LRP2: variants seen among roughly 807,000 people sequenced by gnomAD.
LRP2 encodes the protein low-density lipoprotein receptor-related protein 2.
LRP2 carries 172 observed loss-of-function variants against 531.0 expected under a neutral mutation model. The observed-to-expected ratio is 0.32, with a 90% CI of 0.29 to 0.37. LRP2 has a LOEUF of 0.37. Ranked by LOEUF, LRP2 falls within the 10% of genes least tolerant of loss-of-function variation. The pLI, the probability that LRP2 is intolerant of heterozygous loss-of-function variation, is 1.00. For missense variants in LRP2, 5,167 were observed against 5,868.3 expected (o/e 0.88, Z 3.90); for synonymous variants, 1,992 against 2,027.6 (o/e 0.98, Z 0.47).
intron 3 of LRP2, among the ~76,000 whole-genome samples, chr2:169,309,070 G>C (rs553714148): frequency 2.2e-4 from 33 of 152,158 alleles, no homozygotes; most frequent in African/African-American, 7.7e-4. Flanking sequence ...TGATGGGGTT[G>C]TTTGTTTTTT....
chr2:169,175,435 A>C lies in LRP2; in HGVS notation c.10572-46T>G, dbSNP rs375800317. Reference sequence around the variant, plus strand: ...ACTTCTTTAGCAAAGCACCAGGGGCAACAGTTATCTGGAGAGAAGAAGTCA... The same window carrying C: ...ACTTCTTTAGCAAAGCACCAGGGGCCACAGTTATCTGGAGAGAAGAAGTCA... On this transcript the variant is annotated intron_variant, in intron 54 of 78. Transcript: ENST00000649046. The C allele has an allele frequency of 4.5e-6, 7 of 1,563,220 alleles. No homozygotes were observed. The South Asian group carries it at 7.8e-5, about 17-fold the overall frequency.
rs557371302 is a variant in LRP2 at position 169,166,965 on chromosome 2, G to A, written c.11636-911C>T. Among the ~76,000 whole-genome samples, 56 of 152,232 alleles carry A rather than the reference G, an allele frequency of 3.7e-4. No individual in the cohort carries two copies. In the South Asian group the frequency reaches 5.8e-3, roughly 16 times the overall value. Reference sequence around the variant, plus strand: ...ATAATAAGATTGGTTGAGGGGAAAGGGTCAGATCTAAGGGCTGATTCTTGG... The same window carrying A: ...ATAATAAGATTGGTTGAGGGGAAAGAGTCAGATCTAAGGGCTGATTCTTGG... On this transcript the variant is annotated intron_variant, in intron 61 of 78. Transcript: ENST00000649046.
At chr2:169,344,694 A>G (rs1232098295) in intron 1 of LRP2, among the ~76,000 whole-genome samples, 2 of 152,212 alleles carry the variant, frequency 1.3e-5, no homozygotes, top group African/African-American at 4.8e-5. Context: ...CATAAATAAA[A>G]CAAGACATTA....
chr2:169,224,283 T>C (rs1689122887), intron 33 of LRP2, among the ~76,000 whole-genome samples: 1 of 152,190 alleles, frequency 6.6e-6, no homozygotes, highest in African/African-American at 2.4e-5. Flanking sequence ...CTTCTCCTTG[T>C]TTTGGGAAGT....
At chr2:169,270,237 C>G (rs911285959) in intron 16 of LRP2, among the ~76,000 whole-genome samples, 3 of 152,092 alleles carry the variant, frequency 2.0e-5, no homozygotes, top group African/African-American at 7.2e-5. Flanking sequence ...AACATTTGAC[C>G]CAGCCATCCC....
At chr2:169,325,767 C>T (rs1182422144) in intron 1 of LRP2, among the ~76,000 whole-genome samples, 2 of 151,874 alleles carry the variant, frequency 1.3e-5, no homozygotes, top group Non-Finnish European at 2.9e-5. Context: ...GTTTTCCTTA[C>T]AGATCATCAA....
At chr2:169,228,188 A>G (rs1689268505) in intron 31 of LRP2, among the ~76,000 whole-genome samples, 1 of 152,166 alleles carries the variant, frequency 6.6e-6, no homozygotes, top group Admixed American at 6.5e-5. Context: ...ACGAGGTCAC[A>G]CAACCAGGAC....
chr2:169,292,353 A>T lies in LRP2; in HGVS notation c.669T>A (p.Gly223=). 1 of 1,613,356 alleles carries T rather than the reference A, an allele frequency of 6.2e-7. No homozygotes were observed. The highest frequency in any genetic ancestry group is 8.5e-7 in the Non-Finnish European group (1 of 1,179,304). ...CACTGGGGCAAGTGAACTGGTAACC[A>T]CCGCAGGTCGGATAGTCTGGAATAA... is the stretch of plus-strand genomic sequence containing the variant. ...DEHACNYPTC[G]GYQFTCPSGR... is the part of the protein sequence containing the mutation. Residue 223 remains glycine (G), a synonymous_variant, in exon 7 of 79, where the codon GGT becomes GGA. Transcript: ENST00000649046.
Position 169,233,493 on chromosome 2 carries a change from A to G in LRP2, c.5016T>C (p.His1672=), listed in dbSNP as rs779110739. Residue 1672 remains histidine (H), a synonymous_variant, in exon 30 of 79, where the codon CAT becomes CAC. Transcript: ENST00000649046. ...TRRVMRANKW[H]GGNQSVVMYN... ...ACATTACAACTGACTGGTTCCCTCC[A>G]TGCCACTTGTTGGCTCGCATAACCC... 6.2e-7 allele frequency: 1 copy of G among 1,614,146 alleles called. No homozygotes were observed. The highest frequency in any genetic ancestry group is 8.5e-7 in the Non-Finnish European group (1 of 1,180,024).
chr2:169,239,491 T>C (rs762562266), intron 26 of LRP2, 36 bp downstream of exon 26: 1 of 1,613,904 alleles, frequency 6.2e-7, no homozygotes, highest in Admixed American at 1.7e-5. Flanking sequence ...CTCTGGGATG[T>C]GCTGATAAAC....
intron 4 of LRP2, among the ~76,000 whole-genome samples, chr2:169,305,279 C>T (rs527949757): frequency 2.0e-5 from 3 of 152,096 alleles, no homozygotes; most frequent in Non-Finnish European, 4.4e-5. Flanking sequence ...AAGCATAGGT[C>T]TTGCTTTTGC....
intron 3 of LRP2, among the ~76,000 whole-genome samples, chr2:169,318,478 T>C (rs1302432801): frequency 6.6e-6 from 1 of 152,164 alleles, no homozygotes; most frequent in Non-Finnish European, 1.5e-5. Context: ...AGCTATACAC[T>C]CCAATAAATA....
chr2:169,138,511 T>C, intron 75 of LRP2, 66 bp downstream of exon 75: 1 of 1,566,900 alleles, frequency 6.4e-7, no homozygotes, highest in Non-Finnish European at 8.7e-7. Flanking sequence ...TGAATTTTGT[T>C]CTTTATAAAA....
At chr2:169,240,474 C>A (rs1448297769) in intron 25 of LRP2, among the ~76,000 whole-genome samples, 1 of 152,148 alleles carries the variant, frequency 6.6e-6, no homozygotes, top group Non-Finnish European at 1.5e-5. Flanking sequence ...CATATGAAAT[C>A]ATAAGAATCT....
intron 3 of LRP2, 132 bp downstream of exon 3, chr2:169,318,630 A>G (rs1169255437): frequency 9.5e-6 from 12 of 1,266,690 alleles, no homozygotes; most frequent in African/African-American, 8.8e-5. Flanking sequence ...GATTGCTGGC[A>G]TAGGTTCCCT....
chr2:169,177,240 A>G (rs757146071), intron 53 of LRP2, among the ~76,000 whole-genome samples: 14 of 152,234 alleles, frequency 9.2e-5, no homozygotes, highest in Non-Finnish European at 2.1e-4. Context: ...TCAGACCTTT[A>G]TCTTTATTTC....
intron 1 of LRP2, among the ~76,000 whole-genome samples, chr2:169,359,839 T>A (rs1686096135): frequency 6.6e-6 from 1 of 151,714 alleles, no homozygotes; most frequent in Non-Finnish European, 1.5e-5. Flanking sequence ...AAAAGAGAAA[T>A]CGGGCCAGGT....
intron 1 of LRP2, among the ~76,000 whole-genome samples, chr2:169,334,061 T>C (rs1007127718): frequency 6.6e-6 from 1 of 152,164 alleles, no homozygotes; most frequent in Non-Finnish European, 1.5e-5. Context: ...AATGTCCCCA[T>C]ATTAATAGCA....
chr2:169,237,013 G>T, intron 28 of LRP2, 90 bp downstream of exon 28: 1 of 1,119,062 alleles, frequency 8.9e-7, no homozygotes, highest in Non-Finnish European at 1.4e-6. Flanking sequence ...TTGCATATCA[G>T]CAACATGCAT....
Sources: allele counts gnomAD v4.1 joint callset (sites outside exome capture counted in the v4.1 genomes callset), GRCh38; gene constraint gnomAD v4.1.1; transcripts MANE v1.5; gene names NCBI Gene and HGNC (gene_info 2026-07-23, HGNC 2026-07-21).